The following GPC5 variants were observed in gnomAD, a reference collection of about 807,000 sequenced individuals.
GPC5 encodes the protein glypican-5.
GPC5 carries 47 observed loss-of-function variants against 53.9 expected under a neutral mutation model. The observed-to-expected ratio is 0.87, with a 90% CI of 0.69 to 1.11. The LOEUF is 1.11. Among genes scored for constraint, GPC5 ranks in the 50% most tolerant of loss-of-function variants. GPC5 has a pLI of 0.00. For synonymous variants in GPC5, 286 were observed against 263.3 expected, an observed-to-expected ratio of 1.09 and a Z score of -0.84; for missense variants, 748 against 713.1, an observed-to-expected ratio of 1.05 and a Z score of -0.56.
intron 7 of GPC5, among the ~76,000 whole-genome samples, chr13:92,667,131 C>T (rs998611634): frequency 6.6e-6 from 1 of 152,150 alleles, no homozygotes; most frequent in African/African-American, 2.4e-5. Context: ...CCTCTCTGAT[C>T]TACTGTTTTT....
chr13:92,646,930 A>AGTGTGTGTG (rs1885791804), intron 7 of GPC5, among the ~76,000 whole-genome samples: 1 of 146,592 alleles, frequency 6.8e-6, no homozygotes. Flanking sequence ...ATATATAAAC[A>AGTGTGTGTG]TGTGTGTGTG....
In GPC5 at chr13:91,698,051, G is replaced by A. The variant is rs532528586; in HGVS notation, c.1020+4170G>A. On this transcript the variant is annotated intron_variant, in intron 3 of 7. Coordinates refer to ENST00000377067, the MANE Select transcript of GPC5 (RefSeq NM_004466.6). ...CAAGTAGCTGGAATTACAGGCATGCGTCACCACACCCAGCTAATTTTTTGT... is the reference window on the plus strand; with the variant it reads ...CAAGTAGCTGGAATTACAGGCATGCATCACCACACCCAGCTAATTTTTTGT... Among the ~76,000 whole-genome samples the A allele has an allele frequency of 1.4e-4, 21 of 151,960 alleles. No individual in the cohort carries two copies. The South Asian group carries it at 3.5e-3, about 26-fold the overall frequency.
intron 2 of GPC5, among the ~76,000 whole-genome samples, chr13:91,604,419 G>GTTTAT (rs1358146994): frequency 6.6e-6 from 1 of 151,928 alleles, no homozygotes; most frequent in Non-Finnish European, 1.5e-5. Flanking sequence ...ACATATGGGT[G>GTTTAT]CATGTGTCTT....
At position 92,139,541 on chromosome 13, in the gene GPC5, C is replaced by A. The variant is rs551823942; in HGVS notation, c.1402-5289C>A. On this transcript the variant is annotated intron_variant, in intron 6 of 7. Coordinates refer to ENST00000377067, the MANE Select transcript of GPC5 (RefSeq NM_004466.6). ...AATTAGCCAGACATGGTGGCATGCG[C>A]CTGCAGTCCCAGCTACTTGGGAGGC... Among the ~76,000 whole-genome samples the A allele has an allele frequency of 4.6e-5, 7 of 152,074 alleles. No individual in the cohort carries two copies. In the South Asian group the frequency reaches 1.5e-3, roughly 32 times the overall value.
intron 7 of GPC5, among the ~76,000 whole-genome samples, chr13:92,296,618 TG>T: frequency 1.3e-5 from 2 of 152,240 alleles, no homozygotes; most frequent in South Asian, 2.1e-4. Context: ...CTTTCTGGGC[TG>T]GCCAAGGCTG....
chr13:92,737,496 G>T (rs924706245), intron 7 of GPC5, among the ~76,000 whole-genome samples: 1 of 152,056 alleles, frequency 6.6e-6, no homozygotes, highest in African/African-American at 2.4e-5. Context: ...ATGAAATCAA[G>T]AAAACTGGAA....
intron 6 of GPC5, among the ~76,000 whole-genome samples, chr13:92,088,485 G>A (rs1002095174): frequency 6.6e-6 from 1 of 152,118 alleles, no homozygotes; most frequent in African/African-American, 2.4e-5. Context: ...CTCTCACATT[G>A]GAATGACATG....
At chr13:91,870,299 G>T (rs1180496431) in intron 5 of GPC5, among the ~76,000 whole-genome samples, 1 of 152,142 alleles carries the variant, frequency 6.6e-6, no homozygotes, top group Non-Finnish European at 1.5e-5. Flanking sequence ...AGATAAAATT[G>T]CCTGAACAAA....
intron 4 of GPC5, among the ~76,000 whole-genome samples, chr13:91,753,821 G>A (rs1387462476): frequency 6.6e-6 from 1 of 152,008 alleles, no homozygotes; most frequent in Non-Finnish European, 1.5e-5. Flanking sequence ...CTGAAATACT[G>A]CCTTGTTTTG....
intron 7 of GPC5, among the ~76,000 whole-genome samples, chr13:92,346,402 C>A (rs1177691223): frequency 6.6e-6 from 1 of 152,180 alleles, no homozygotes; most frequent in African/African-American, 2.4e-5. Flanking sequence ...ATCTTGCCAG[C>A]AATTCTGGAT....
At chr13:92,385,297 T>A (rs2043783026) in intron 7 of GPC5, among the ~76,000 whole-genome samples, 1 of 147,954 alleles carries the variant, frequency 6.8e-6, no homozygotes, top group African/African-American at 2.5e-5. Context: ...ATAGTCCTAT[T>A]CGTAGGCACT....
At chr13:91,936,577 C>T (rs1017786629) in intron 6 of GPC5, among the ~76,000 whole-genome samples, 5 of 152,010 alleles carry the variant, frequency 3.3e-5, no homozygotes, top group South Asian at 2.1e-4. Context: ...TTAAATCATA[C>T]AGTCTTGTTA....
intron 7 of GPC5, among the ~76,000 whole-genome samples, chr13:92,368,818 CTAAT>C (rs1304304899): frequency 6.6e-6 from 1 of 151,998 alleles, no homozygotes; most frequent in East Asian, 1.9e-4. Context: ...TGGTATATGA[CTAAT>C]TAAGTTAACT....
At chr13:92,541,062 T>A (rs939490777) in intron 7 of GPC5, among the ~76,000 whole-genome samples, 1 of 151,918 alleles carries the variant, frequency 6.6e-6, no homozygotes, top group South Asian at 2.1e-4. Flanking sequence ...TGTGGTTTAT[T>A]ATAATGATGT....
intron 2 of GPC5, among the ~76,000 whole-genome samples, chr13:91,478,902 T>TATATATATATATATATATATATATAC (rs201918417): frequency 8.9e-5 from 8 of 90,304 alleles, no homozygotes; most frequent in African/African-American, 4.8e-4. Flanking sequence ...TATATATATA[T>TATATATATATATATATATATATATAC]GCACATATAT....
chr13:92,614,330 C>A (rs1884608509), intron 7 of GPC5, among the ~76,000 whole-genome samples: 1 of 152,014 alleles, frequency 6.6e-6, no homozygotes, highest in Non-Finnish European at 1.5e-5. Flanking sequence ...TGGTTACTTC[C>A]CAACAAATCT....
intron 6 of GPC5, among the ~76,000 whole-genome samples, chr13:92,133,020 A>AT (rs1279962557): frequency 3.3e-5 from 5 of 152,228 alleles, no homozygotes; most frequent in Non-Finnish European, 7.4e-5. Context: ...TGAGACATTT[A>AT]TTAGTCTCAA....
At chr13:92,725,741 A>G (rs1888628727) in intron 7 of GPC5, among the ~76,000 whole-genome samples, 1 of 151,660 alleles carries the variant, frequency 6.6e-6, no homozygotes, top group Non-Finnish European at 1.5e-5. Context: ...AATGATCAAA[A>G]TAGAGCTCTT....
At chr13:92,743,499 G>A (rs1307985771) in intron 7 of GPC5, among the ~76,000 whole-genome samples, 2 of 152,122 alleles carry the variant, frequency 1.3e-5, no homozygotes, top group East Asian at 3.9e-4. Context: ...AGACGATGGG[G>A]TTTTCTAGAT....
Sources: allele counts gnomAD v4.1 joint callset (sites outside exome capture counted in the v4.1 genomes callset), GRCh38; gene constraint gnomAD v4.1.1; transcripts MANE v1.5; gene names NCBI Gene and HGNC (gene_info 2026-07-23, HGNC 2026-07-21).